LRRC56: variants seen among roughly 807,000 people sequenced by gnomAD.
The protein encoded by LRRC56 is leucine rich repeat containing 56.
A neutral mutation model predicts 47.8 loss-of-function variants in LRRC56; 41 were observed. The ratio of observed to expected loss-of-function variants is 0.86; its 90% CI spans 0.67 to 1.11. The LOEUF (loss-of-function observed/expected upper bound fraction) is 1.11, where lower values mean the gene tolerates loss of function less well. LRRC56 is among the 50% of genes most tolerant of loss of function. The probability of loss-of-function intolerance (pLI) is 0.00; values close to 1 mark genes in which losing one functional copy is unlikely to be tolerated. For synonymous variants in LRRC56, 387 were observed against 311.2 expected (o/e 1.24, Z -2.56); for missense variants, 759 against 704.2 (o/e 1.08, Z -0.88).
chr11:533,631 G>A (rs1436710376), upstream of LRRC56: 1 of 1,613,614 alleles, frequency 6.2e-7, no homozygotes, highest in Non-Finnish European at 8.5e-7. Flanking sequence ...TGGAAAGCGA[G>A]AGCTGGCTAC....
the LRRC56 span, among the ~76,000 whole-genome samples, chr11:521,139 C>T: frequency 2.6e-5 from 4 of 152,210 alleles, no homozygotes; most frequent in Non-Finnish European, 4.4e-5. Flanking sequence ...AGAATTTACG[C>T]TCCCGCCCCA....
At chr11:520,508 G>A in the LRRC56 span, among the ~76,000 whole-genome samples, 4 of 151,978 alleles carry the variant, frequency 2.6e-5, no homozygotes, top group South Asian at 6.2e-4. Context: ...CAGTAGGGAC[G>A]GGGTTTCATC....
the LRRC56 span, among the ~76,000 whole-genome samples, chr11:518,671 G>A: frequency 6.6e-6 from 1 of 152,160 alleles, no homozygotes; most frequent in Admixed American, 6.5e-5. Flanking sequence ...CCATAACCCA[G>A]GGGAGGAGGC....
intron 5 of LRRC56, 98 bp from the exon 6 acceptor site, chr11:544,622 G>A: frequency 1.6e-6 from 2 of 1,276,754 alleles, no homozygotes; most frequent in South Asian, 1.2e-5. Context: ...CCCACGAGCA[G>A]TGAGGGGCCG....
At chr11:517,738 TGTG>T in the LRRC56 span, among the ~76,000 whole-genome samples, 8 of 150,210 alleles carry the variant, frequency 5.3e-5, no homozygotes, top group African/African-American at 9.8e-5. Context: ...AAGGGGGAAA[TGTG>T]GGGAAAAGAA....
the LRRC56 span, among the ~76,000 whole-genome samples, chr11:526,726 C>A: frequency 6.6e-6 from 1 of 151,134 alleles, no homozygotes; most frequent in African/African-American, 2.4e-5. Context: ...CACCTGAGGT[C>A]AGGAGTTGGA....
chr11:541,659 A>ATGG lies in LRRC56; in HGVS notation c.265+35_265+36insTGG. ...TTCCCACCCCGCCATGGCCACGGCC[A>ATGG]CGGCCACGCCTCCCTGTAAACAACA... On this transcript the variant is annotated intron_variant, in intron 5 of 13. Coordinates refer to ENST00000270115, the MANE Select transcript of LRRC56 (RefSeq NM_198075.4). This position sits in a 1 kb window ranked among gnomAD's most constrained non-coding sequence, Gnocchi z 4.1. 2.2e-6 allele frequency: 3 copies of ATGG among 1,339,992 alleles called. No homozygotes were observed. Among genetic ancestry groups the ATGG allele is most frequent in the South Asian group, 1.3e-5 (1 of 74,556 alleles). 83.0% of individuals were successfully genotyped at this position (1,339,992 alleles called of 1,614,324 possible).
rs1287959015 is a variant in LRRC56 at position 543,160 on chromosome 11, GGGATTACA to G, written c.265+1547_266-1542del. ...ACCCACCTCAGCCTCCCAAAGTGCT[GGGATTACA>G]GGATTACAGGGATGAGCCACCGCGC... On this transcript the variant is annotated intron_variant, in intron 5 of 13. Transcript: ENST00000270115. 2.0e-4 allele frequency among the ~76,000 whole-genome samples: 31 copies of G among 151,244 alleles called. No individual in the cohort carries two copies. In the East Asian group the frequency reaches 5.3e-3, roughly 26 times the overall value.
the LRRC56 span, among the ~76,000 whole-genome samples, chr11:515,048 A>G: frequency 1.3e-5 from 2 of 152,132 alleles, no homozygotes; most frequent in African/African-American, 4.8e-5. Flanking sequence ...CCACCAGTAA[A>G]TTCTTTTTTC....
chr11:524,208 C>T, the LRRC56 span, among the ~76,000 whole-genome samples: 3 of 152,070 alleles, frequency 2.0e-5, no homozygotes, highest in African/African-American at 2.4e-5. Flanking sequence ...GGAGTGACAG[C>T]GTGAGGCCAG....
chr11:546,214 A>T (rs1319756350), intron 6 of LRRC56, among the ~76,000 whole-genome samples: 1 of 152,012 alleles, frequency 6.6e-6, no homozygotes, highest in East Asian at 1.9e-4. Flanking sequence ...CAGATGCTGC[A>T]GTGAGCTGAG....
the LRRC56 span, among the ~76,000 whole-genome samples, chr11:517,449 A>G: frequency 7.6e-6 from 1 of 131,782 alleles, no homozygotes; most frequent in African/African-American, 3.0e-5. Flanking sequence ...CCTCTGCCCG[A>G]CCGCCCCACC....
At chr11:536,404 C>T (rs922701431), upstream of LRRC56, among the ~76,000 whole-genome samples, 2 of 152,246 alleles carry the variant, frequency 1.3e-5, no homozygotes, top group African/African-American at 2.4e-5. Flanking sequence ...CATCCTAGCT[C>T]TTTCAAACCC....
chr11:531,694 C>T, the LRRC56 span, among the ~76,000 whole-genome samples: 42 of 152,220 alleles, frequency 2.8e-4, no homozygotes, highest in Non-Finnish European at 5.3e-4. Flanking sequence ...CCACGCCCTA[C>T]TGGCCGCTAC....
Position 551,778 on chromosome 11 carries a change from GCTTT to G in LRRC56, c.927_930del (p.Ser310ArgfsTer99), listed in dbSNP as rs1564807244. On this transcript the variant is annotated frameshift_variant, in exon 10 of 14. Coordinates refer to ENST00000270115, the MANE Select transcript of LRRC56 (RefSeq NM_198075.4). LOFTEE classifies it high-confidence loss of function. ...GTGGGGGCCCCCTGCCTGAAGGCCT[GCTTT>G]CTGAGGACCTGGCCCCAGAAGATAA... The G allele has an allele frequency of 2.5e-6, 4 of 1,610,188 alleles. No homozygotes were observed. Among genetic ancestry groups the G allele is most frequent in the Non-Finnish European group, 2.5e-6 (3 of 1,178,614 alleles).
chr11:510,174 A>G, the LRRC56 span, among the ~76,000 whole-genome samples: 1 of 152,174 alleles, frequency 6.6e-6, no homozygotes, highest in Non-Finnish European at 1.5e-5. Context: ...GGACAGGCTG[A>G]GGCAAGAGAC....
intron 6 of LRRC56, among the ~76,000 whole-genome samples, chr11:547,497 C>T (rs1324387497): frequency 2.6e-5 from 4 of 151,674 alleles, no homozygotes; most frequent in Non-Finnish European, 5.9e-5. Flanking sequence ...GGACTACAGG[C>T]GCCTGCCACC....
chr11:532,729 CA>C, upstream of LRRC56: 1 of 1,613,100 alleles, frequency 6.2e-7, no homozygotes. Flanking sequence ...TCTCACGCAC[CA>C]ACGTGTAGAA....
At position 549,800 on chromosome 11, in the gene LRRC56, T is replaced by C. The variant is rs1197550416; in HGVS notation, c.327-102T>C. The C allele has an allele frequency of 1.1e-5, 10 of 942,246 alleles. No individual in the cohort carries two copies. In the East Asian group the frequency reaches 1.2e-4, roughly 12 times the overall value. The allele number at this position is 942,246 out of a possible 1,614,324, so 58.4% of individuals were successfully genotyped here. ...CCCTTCCTCAGTCTAGAGGCCACCA[T>C]AGGTGGTCACACCTGCCCCTACCCC... On this transcript the variant is annotated intron_variant, in intron 6 of 13. Coordinates refer to ENST00000270115, the MANE Select transcript of LRRC56 (RefSeq NM_198075.4).
Sources: allele counts gnomAD v4.1 joint callset (sites outside exome capture counted in the v4.1 genomes callset), GRCh38; gene constraint gnomAD v4.1.1; non-coding constraint Gnocchi (gnomAD v3.1); transcripts MANE v1.5; gene names NCBI Gene and HGNC (gene_info 2026-07-23, HGNC 2026-07-21).